Variants in SORCS1 observed in about 807,000 individuals in gnomAD.
SORCS1 encodes the protein VPS10 domain-containing receptor SorCS1.
A neutral mutation model predicts 146.1 loss-of-function variants in SORCS1; 60 were observed. The ratio of observed to expected loss-of-function variants is 0.41; its 90% confidence interval spans 0.33 to 0.51. The LOEUF (loss-of-function observed/expected upper bound fraction) is 0.51. Ranked by LOEUF, SORCS1 falls within the 20% of genes least tolerant of loss-of-function variation. SORCS1 has a pLI of 0.21. For synonymous variants in SORCS1, 637 were observed against 584.0 expected (o/e 1.09, Z -1.31); for missense variants, 1,352 against 1,487.6 (o/e 0.91, Z 1.50).
intron 24 of SORCS1, among the ~76,000 whole-genome samples, chr10:106,596,482 G>C (rs968097019): frequency 1.3e-5 from 2 of 152,100 alleles, no homozygotes; most frequent in African/African-American, 4.8e-5. Context: ...TCTATTCTAA[G>C]TTACTTGTAT....
chr10:106,642,115 T>C (rs981124127), intron 18 of SORCS1, among the ~76,000 whole-genome samples: 2 of 152,182 alleles, frequency 1.3e-5, no homozygotes, highest in Admixed American at 1.3e-4. Context: ...GGAAATTACA[T>C]GGAGAGGTTT....
intron 2 of SORCS1, among the ~76,000 whole-genome samples, chr10:106,878,361 A>G (rs1443984889): frequency 6.6e-6 from 1 of 151,730 alleles, no homozygotes; most frequent in Non-Finnish European, 1.5e-5. Context: ...TAAAATTCAT[A>G]TGTTGAAACC....
At chr10:106,699,082 T>C (rs1853928939) in intron 9 of SORCS1, 132 bp downstream of exon 9, 1 of 724,108 alleles carries the variant, frequency 1.4e-6, no homozygotes, top group African/African-American at 1.8e-5. Context: ...CTGCAAATCT[T>C]TCCATCTCCC....
intron 1 of SORCS1, among the ~76,000 whole-genome samples, chr10:107,014,690 G>C (rs889052237): frequency 2.6e-5 from 4 of 152,194 alleles, no homozygotes; most frequent in Non-Finnish European, 5.9e-5. Context: ...GTGGAACCCA[G>C]CAGTCTGTGT....
chr10:106,842,678 G>A (rs1334549142), intron 2 of SORCS1, among the ~76,000 whole-genome samples: 19 of 152,210 alleles, frequency 1.2e-4, no homozygotes, highest in Middle Eastern at 3.4e-3. Context: ...GTGCAATGGC[G>A]TGATCTCAGC....
At chr10:106,824,462 C>T (rs906138343) in intron 3 of SORCS1, among the ~76,000 whole-genome samples, 11 of 151,178 alleles carry the variant, frequency 7.3e-5, no homozygotes, top group Non-Finnish European at 1.2e-4. Flanking sequence ...TGGTAGTAGA[C>T]GCCTGTAATC....
intron 1 of SORCS1, among the ~76,000 whole-genome samples, chr10:107,122,688 T>G (rs1966473591): frequency 6.6e-6 from 1 of 152,164 alleles, no homozygotes. Flanking sequence ...TATCATCTCC[T>G]TACGGACTAA....
At chr10:107,005,335 CG>C (rs1396449090) in intron 1 of SORCS1, among the ~76,000 whole-genome samples, 7 of 40,110 alleles carry the variant, frequency 1.7e-4, no homozygotes, top group African/African-American at 7.2e-4. Flanking sequence ...CTTTCGGGGG[CG>C]GGGGGTAGGG....
chr10:106,863,722 C>T (rs1226146716), intron 2 of SORCS1, among the ~76,000 whole-genome samples: 1 of 151,004 alleles, frequency 6.6e-6, no homozygotes, highest in African/African-American at 2.4e-5. Context: ...CAGAGGGTGG[C>T]GCTCTAATAT....
rs77159641 is a variant in SORCS1 at position 106,913,481 on chromosome 10, G to A, written c.626+43032C>T. Among the ~76,000 whole-genome samples, 134 of 152,280 alleles carry A rather than the reference G, an allele frequency of 8.8e-4. 1 individual carries two copies. The East Asian group carries it at 0.023, about 26-fold the overall frequency. On this transcript the variant is annotated intron_variant, in intron 2 of 25. Transcript: ENST00000263054. ...TTTACATCTCAAAAGCCTACTCTAC[G>A]GCTTTCTCAGTTATGCTGGCTATTG...
At chr10:107,058,374 T>C (rs554533600) in intron 1 of SORCS1, among the ~76,000 whole-genome samples, 119 of 152,348 alleles carry the variant, frequency 7.8e-4, no homozygotes, top group African/African-American at 2.8e-3. Flanking sequence ...GACAGAGAAC[T>C]AGGGATTTCT....
chr10:106,760,432 G>A (rs773997175), intron 5 of SORCS1, among the ~76,000 whole-genome samples: 9 of 113,124 alleles, frequency 8.0e-5, no homozygotes, highest in Non-Finnish European at 1.5e-4. Context: ...GACAGAGTGA[G>A]ACTCCGTCTC....
At chr10:107,160,107 G>A (rs1969589832) in intron 1 of SORCS1, among the ~76,000 whole-genome samples, 1 of 152,210 alleles carries the variant, frequency 6.6e-6, no homozygotes, top group South Asian at 2.1e-4. Context: ...ACAGGCACAT[G>A]TTAATGTCCT....
intron 1 of SORCS1, among the ~76,000 whole-genome samples, chr10:107,138,349 A>AT (rs1369368496): frequency 6.6e-6 from 1 of 152,190 alleles, no homozygotes; most frequent in African/African-American, 2.4e-5. Context: ...ATCTTTGCAG[A>AT]TTCGTTGTTT....
intron 3 of SORCS1, among the ~76,000 whole-genome samples, chr10:106,780,861 C>T (rs960524155): frequency 6.6e-6 from 1 of 152,166 alleles, no homozygotes; most frequent in Non-Finnish European, 1.5e-5. Context: ...TACCACCCAA[C>T]TCCAAGCAAT....
intron 9 of SORCS1, among the ~76,000 whole-genome samples, chr10:106,691,914 G>A (rs559954987): frequency 2.7e-5 from 3 of 111,820 alleles, no homozygotes; most frequent in African/African-American, 8.3e-5. Flanking sequence ...TTCCAATTTG[G>A]TCATCCCCTG....
intron 17 of SORCS1, chr10:106,667,207 G>A (rs1851227588): frequency 6.5e-6 from 1 of 153,876 alleles, no homozygotes; most frequent in African/African-American, 2.4e-5. Flanking sequence ...ATGTTTAAAT[G>A]TGTCAAGACT....
chr10:107,030,050 C>T (rs932787073), intron 1 of SORCS1, among the ~76,000 whole-genome samples: 3 of 152,038 alleles, frequency 2.0e-5, no homozygotes, highest in Non-Finnish European at 4.4e-5. Flanking sequence ...CGCACAATAA[C>T]TTAGAGGTTC....
At chr10:106,995,844 T>C (rs1002407395) in intron 1 of SORCS1, among the ~76,000 whole-genome samples, 4 of 152,044 alleles carry the variant, frequency 2.6e-5, no homozygotes, top group Non-Finnish European at 5.9e-5. Context: ...GGGTCAAAGA[T>C]TTTATTTTAC....
Sources: gnomAD v4.1 joint callset for allele counts (sites outside exome capture counted in the v4.1 genomes callset) on GRCh38, gnomAD v4.1.1 for gene constraint, MANE v1.5 for transcripts, NCBI Gene and HGNC (gene_info 2026-07-23, HGNC 2026-07-21) for gene names.